Variants in RBPJ observed in about 807,000 individuals in gnomAD.
RBPJ encodes recombination signal binding protein for immunoglobulin kappa J region.
In RBPJ, 9 loss-of-function variants were observed where a neutral mutation model predicts 67.8. The ratio of observed to expected loss-of-function variants is 0.13; its 90% CI spans 0.08 to 0.23. The LOEUF (loss-of-function observed/expected upper bound fraction) is 0.23. RBPJ is among the 10% of genes least tolerant of loss of function. The probability of loss-of-function intolerance (pLI) is 1.00; values close to 1 mark genes in which losing one functional copy is unlikely to be tolerated. For synonymous variants in RBPJ, 198 were observed against 203.3 expected (o/e 0.97, Z 0.22); for missense variants, 305 against 595.6 (o/e 0.51, Z 5.08).
At position 26,244,407 on chromosome 4, in the gene RBPJ, GTGTA is replaced by G. The variant is rs1236782353; in HGVS notation, c.-167+80795_-167+80798del. Among the ~76,000 whole-genome samples, 155 of 131,816 alleles carry G rather than the reference GTGTA, an allele frequency of 1.2e-3. 2 individuals are homozygous for G. Among genetic ancestry groups the G allele is most frequent in the South Asian group, 2.6e-3 (11 of 4,248 alleles). 86.5% of individuals were successfully genotyped at this position (131,816 alleles called of 152,430 possible). Reference sequence around the variant, plus strand: ...TGTGTATATATGTATGCACATATGTGTGTATACATATGTGTGTATATATGTATAC... The same window carrying G: ...TGTGTATATATGTATGCACATATGTGTACATATGTGTGTATATATGTATAC... On this transcript the variant is annotated intron_variant, in intron 1 of 4. Transcript: ENST00000512351.
At chr4:26,279,335 C>A (rs1030324551) in intron 1 of RBPJ, among the ~76,000 whole-genome samples, 2 of 152,186 alleles carry the variant, frequency 1.3e-5, no homozygotes, top group Admixed American at 6.5e-5. Context: ...CGCTGGAGTG[C>A]AGTGGCACAA....
chr4:26,424,504 T>C lies in RBPJ; in HGVS notation c.634+25T>C. 6.2e-7 allele frequency: 1 copy of C among 1,608,356 alleles called. No individual in the cohort carries two copies. Reference sequence around the variant, plus strand: ...TGTGAGTATAAAAGTGTGCATTTAATGTTTTTAGTGTGAAATTGTTAAAAT... The same window carrying C: ...TGTGAGTATAAAAGTGTGCATTTAACGTTTTTAGTGTGAAATTGTTAAAAT... On this transcript the variant is annotated intron_variant, in intron 6 of 10. Coordinates refer to ENST00000355476, the MANE Select transcript of RBPJ (RefSeq NM_015874.6). The surrounding 1 kb of genome is among the most constrained non-coding windows in gnomAD (Gnocchi z 5.3).
chr4:26,274,571 A>G (rs1370326269), intron 1 of RBPJ, among the ~76,000 whole-genome samples: 1 of 152,188 alleles, frequency 6.6e-6, no homozygotes, highest in African/African-American at 2.4e-5. Context: ...TTGAGGTGGC[A>G]GTGAGCTGTG....
At chr4:26,305,351 C>A (rs1468019137) in intron 1 of RBPJ, among the ~76,000 whole-genome samples, 2 of 152,170 alleles carry the variant, frequency 1.3e-5, no homozygotes, top group Admixed American at 1.3e-4. Context: ...TTGTCAGTTT[C>A]TACAAAGTGG....
At chr4:26,162,080 G>A (rs1450298803), upstream of RBPJ, among the ~76,000 whole-genome samples, 2 of 152,220 alleles carry the variant, frequency 1.3e-5, no homozygotes, top group African/African-American at 4.8e-5. Context: ...GCAAGGAGGT[G>A]ATGGGGGAAG....
At chr4:26,326,620 T>C (rs1422563666) in intron 1 of RBPJ, among the ~76,000 whole-genome samples, 1 of 152,214 alleles carries the variant, frequency 6.6e-6, no homozygotes, top group Non-Finnish European at 1.5e-5. Context: ...CTTCAGGTTC[T>C]ACCTCTATAA....
At chr4:26,429,829 G>A in intron 8 of RBPJ, 69 bp from the exon 9 acceptor site, 2 of 1,322,874 alleles carry the variant, frequency 1.5e-6, no homozygotes, top group Admixed American at 1.9e-5. Context: ...AGGGTTACTT[G>A]GTAAAATTTT....
upstream of RBPJ, among the ~76,000 whole-genome samples, chr4:26,160,551 C>T (rs1319158935): frequency 6.6e-6 from 1 of 152,192 alleles, no homozygotes; most frequent in East Asian, 1.9e-4. Flanking sequence ...CAGTAACAAA[C>T]ACCCCCACAT....
In RBPJ at chr4:26,240,532, G is replaced by A. The variant is rs539335392; in HGVS notation, c.-167+76918G>A. ...AGAGAAAAGCAACCAAGCTATACCC[G>A]TGCTGAAGTAGGGAAGGACGTATTT... On this transcript the variant is annotated intron_variant, in intron 1 of 4. Coordinates refer to the RBPJ transcript ENST00000512351. Among the ~76,000 whole-genome samples, 9 of 152,258 alleles carry A rather than the reference G, an allele frequency of 5.9e-5. No individual in the cohort carries two copies. In the South Asian group the frequency reaches 1.2e-3, roughly 21 times the overall value.
chr4:26,418,602 ATG>A (rs1396087645), intron 4 of RBPJ, among the ~76,000 whole-genome samples: 1 of 151,860 alleles, frequency 6.6e-6, no homozygotes, highest in Admixed American at 6.6e-5. Context: ...GTTTGCCAAT[ATG>A]TCTTATTTAT....
At chr4:26,250,494 G>A (rs1479147015) in intron 1 of RBPJ, among the ~76,000 whole-genome samples, 1 of 151,936 alleles carries the variant, frequency 6.6e-6, no homozygotes, top group Non-Finnish European at 1.5e-5. Context: ...ACCATGCCCG[G>A]CTAATTTTTG....
At chr4:26,107,147 A>G in the RBPJ span, among the ~76,000 whole-genome samples, 1 of 152,256 alleles carries the variant, frequency 6.6e-6, no homozygotes, top group Non-Finnish European at 1.5e-5. Flanking sequence ...ACTCTGGGCA[A>G]TCCCAAGTAC....
intron 1 of RBPJ, among the ~76,000 whole-genome samples, chr4:26,198,501 A>T (rs1480923976): frequency 6.6e-6 from 1 of 152,130 alleles, no homozygotes; most frequent in African/African-American, 2.4e-5. Context: ...TTATACATTA[A>T]CTCAAGCAAA....
At chr4:26,194,422 A>T (rs1560205424) in intron 1 of RBPJ, among the ~76,000 whole-genome samples, 1 of 152,266 alleles carries the variant, frequency 6.6e-6, no homozygotes, top group African/African-American at 2.4e-5. Context: ...GATAATATCT[A>T]TTGAGCACTT....
the RBPJ span, among the ~76,000 whole-genome samples, chr4:26,151,824 T>G: frequency 6.6e-6 from 1 of 152,262 alleles, no homozygotes; most frequent in Non-Finnish European, 1.5e-5. Flanking sequence ...GCCTTCTCTT[T>G]TTCTTCGCAA....
At chr4:26,221,145 C>T (rs534463660) in intron 1 of RBPJ, among the ~76,000 whole-genome samples, 23 of 152,314 alleles carry the variant, frequency 1.5e-4, no homozygotes, top group Non-Finnish European at 3.2e-4. Flanking sequence ...GGCTGGAGTG[C>T]GGTGGCGCGA....
upstream of RBPJ, among the ~76,000 whole-genome samples, chr4:26,159,486 T>G (rs1476577161): frequency 6.6e-6 from 1 of 152,196 alleles, no homozygotes. Context: ...ATCCCAGTAC[T>G]TCCCAAAGAA....
chr4:26,262,466 A>G (rs1259638338), intron 1 of RBPJ, among the ~76,000 whole-genome samples: 2 of 152,172 alleles, frequency 1.3e-5, no homozygotes, highest in East Asian at 1.9e-4. Flanking sequence ...AAAATTCAAA[A>G]TAGAGGTGTG....
intron 1 of RBPJ, among the ~76,000 whole-genome samples, chr4:26,233,356 T>A (rs1176336043): frequency 6.6e-6 from 1 of 152,236 alleles, no homozygotes; most frequent in African/African-American, 2.4e-5. Flanking sequence ...ATTTTCTGTG[T>A]CTTATTACCT....
Sources: gnomAD v4.1 joint callset for allele counts (sites outside exome capture counted in the v4.1 genomes callset) on GRCh38, gnomAD v4.1.1 for gene constraint, Gnocchi (gnomAD v3.1) non-coding constraint, MANE v1.5 for transcripts, NCBI Gene and HGNC (gene_info 2026-07-23, HGNC 2026-07-21) for gene names.